The following SNTB1 variants were observed in gnomAD, a reference collection of about 807,000 sequenced individuals.
SNTB1 encodes the protein beta-1-syntrophin.
A neutral mutation model predicts 48.9 loss-of-function variants in SNTB1; 36 were observed. The ratio of observed to expected loss-of-function variants is 0.74; its 90% CI spans 0.56 to 0.97. The LOEUF (loss-of-function observed/expected upper bound fraction) is 0.97, where lower values mean the gene tolerates loss of function less well. Among genes scored for constraint, SNTB1 ranks in the 50% least tolerant of loss-of-function variants. The pLI is 0.00. For missense variants in SNTB1, 786 were observed against 703.4 expected (o/e 1.12, Z -1.33); for synonymous variants, 299 against 294.6 (o/e 1.01, Z -0.15).
At chr8:120,565,933 G>A (rs1037663923) in intron 4 of SNTB1, among the ~76,000 whole-genome samples, 3 of 152,162 alleles carry the variant, frequency 2.0e-5, no homozygotes, top group Non-Finnish European at 2.9e-5. Flanking sequence ...GGGGAGCCAG[G>A]TGTGGTGGCT....
At chr8:120,805,366 G>A (rs1820317436) in intron 1 of SNTB1, among the ~76,000 whole-genome samples, 2 of 152,092 alleles carry the variant, frequency 1.3e-5, no homozygotes, top group African/African-American at 4.8e-5. Flanking sequence ...GAATTATCCT[G>A]GTGTGTTTCT....
intron 2 of SNTB1, among the ~76,000 whole-genome samples, chr8:120,670,220 A>G (rs1262964011): frequency 6.6e-6 from 1 of 152,236 alleles, no homozygotes; most frequent in Non-Finnish European, 1.5e-5. Flanking sequence ...TTTCTTTCCC[A>G]TAAGCCATAC....
chr8:120,638,230 G>T (rs1301620093), intron 2 of SNTB1: 1 of 152,162 alleles, frequency 6.6e-6, no homozygotes, highest in African/African-American at 2.4e-5. Context: ...ATGGTTGGTG[G>T]ATAGGCTGCC....
At chr8:120,763,798 G>C (rs1328733987) in intron 1 of SNTB1, among the ~76,000 whole-genome samples, 1 of 147,456 alleles carries the variant, frequency 6.8e-6, no homozygotes, top group Non-Finnish European at 1.5e-5. Context: ...TTTTTTTTTT[G>C]TTTATTATGT....
intron 3 of SNTB1, 152 bp downstream of exon 3, chr8:120,632,292 G>T: frequency 1.3e-6 from 1 of 755,290 alleles, no homozygotes; most frequent in Non-Finnish European, 2.1e-6. Context: ...CATGTATAAT[G>T]TAAAGGCCTG....
intron 4 of SNTB1, chr8:120,571,435 G>T: frequency 1.5e-6 from 1 of 681,228 alleles, no homozygotes; most frequent in Non-Finnish European, 2.3e-6. Context: ...CACAGCCTGA[G>T]TCTTTGTGTG....
At chr8:120,693,074 G>A (rs1818154659) in intron 2 of SNTB1, among the ~76,000 whole-genome samples, 1 of 152,166 alleles carries the variant, frequency 6.6e-6, no homozygotes, top group Admixed American at 6.5e-5. Context: ...TACATGGGAA[G>A]AGAGGGAGCA....
At chr8:120,552,748 T>G (rs1487784891) in intron 4 of SNTB1, among the ~76,000 whole-genome samples, 3 of 152,162 alleles carry the variant, frequency 2.0e-5, no homozygotes, top group South Asian at 4.1e-4. Flanking sequence ...GAGATGGTTT[T>G]GGGATGATTC....
intron 2 of SNTB1, among the ~76,000 whole-genome samples, chr8:120,658,753 G>T (rs1205720437): frequency 1.3e-5 from 2 of 152,174 alleles, no homozygotes; most frequent in African/African-American, 4.8e-5. Context: ...TCAGGGTGGT[G>T]GGTTTTGAAG....
chr8:120,803,888 G>T (rs757158817), intron 1 of SNTB1, among the ~76,000 whole-genome samples: 1 of 152,168 alleles, frequency 6.6e-6, no homozygotes, highest in African/African-American at 2.4e-5. Context: ...GCCATAGGGG[G>T]TCAAAAGAAA....
chr8:120,561,916 C>A (rs904858939), intron 4 of SNTB1, among the ~76,000 whole-genome samples: 1 of 152,160 alleles, frequency 6.6e-6, no homozygotes, highest in African/African-American at 2.4e-5. Context: ...CATCTGCAGG[C>A]CTCCTGTCTG....
intron 3 of SNTB1, among the ~76,000 whole-genome samples, chr8:120,597,157 G>C (rs1360769402): frequency 5.3e-5 from 8 of 152,212 alleles, no homozygotes; most frequent in Non-Finnish European, 4.4e-5. Flanking sequence ...ACAGAGACTA[G>C]AGTGATGTGG....
At chr8:120,615,646 G>A (rs1816701325) in intron 3 of SNTB1, among the ~76,000 whole-genome samples, 1 of 152,158 alleles carries the variant, frequency 6.6e-6, no homozygotes, top group Non-Finnish European at 1.5e-5. Context: ...CCATTCATTA[G>A]ATGGCCAAGT....
intron 1 of SNTB1, among the ~76,000 whole-genome samples, chr8:120,700,481 T>A (rs1818291710): frequency 6.6e-6 from 1 of 152,190 alleles, no homozygotes; most frequent in Non-Finnish European, 1.5e-5. Context: ...TCAGGGTGCC[T>A]AGTAATCAGA....
At chr8:120,796,777 T>C (rs530348270) in intron 1 of SNTB1, among the ~76,000 whole-genome samples, 36 of 152,040 alleles carry the variant, frequency 2.4e-4, no homozygotes, top group Admixed American at 7.2e-4. Flanking sequence ...AGTCTCAGGA[T>C]TCTTCCCTCG....
intron 1 of SNTB1, among the ~76,000 whole-genome samples, chr8:120,748,180 A>C (rs986278395): frequency 1.3e-5 from 2 of 152,194 alleles, no homozygotes; most frequent in East Asian, 3.9e-4. Context: ...CTACTCAAAT[A>C]AGCTCTGTTG....
intron 1 of SNTB1, among the ~76,000 whole-genome samples, chr8:120,793,231 G>T (rs1040049030): frequency 3.3e-5 from 5 of 151,966 alleles, no homozygotes; most frequent in Non-Finnish European, 7.4e-5. Flanking sequence ...AGAGGGTGGG[G>T]GAAAGAGAGG....
chr8:120,667,089 C>CTCTT (rs1188504762), intron 2 of SNTB1, among the ~76,000 whole-genome samples: 14 of 129,160 alleles, frequency 1.1e-4, no homozygotes, highest in Non-Finnish European at 1.8e-4. Flanking sequence ...AATTCTCTCT[C>CTCTT]TCTCTCTCTT....
intron 4 of SNTB1, among the ~76,000 whole-genome samples, chr8:120,559,177 C>A (rs1426086240): frequency 6.6e-6 from 1 of 152,176 alleles, no homozygotes; most frequent in Non-Finnish European, 1.5e-5. Context: ...TGAAAGGTAG[C>A]TGAGATTAGA....
Sources: gnomAD v4.1 joint callset for allele counts (sites outside exome capture counted in the v4.1 genomes callset) on GRCh38, gnomAD v4.1.1 for gene constraint, MANE v1.5 for transcripts, NCBI Gene and HGNC (gene_info 2026-07-23, HGNC 2026-07-21) for gene names.